The following HEPACAM2 variants were observed in gnomAD, a reference collection of about 807,000 sequenced individuals.
HEPACAM2 encodes mitotic kinetics regulator.
A neutral mutation model predicts 49.6 loss-of-function variants in HEPACAM2; 49 were observed. The observed-to-expected ratio is 0.99, with a 90% CI of 0.78 to 1.25. The LOEUF (loss-of-function observed/expected upper bound fraction) is 1.25, where lower values mean the gene tolerates loss of function less well. Ranked by LOEUF, HEPACAM2 falls within the 50% of genes most tolerant of loss-of-function variation. HEPACAM2 has a pLI of 0.00. For missense variants in HEPACAM2, 525 were observed against 557.2 expected (o/e 0.94, Z 0.58); for synonymous variants, 197 against 202.9 (o/e 0.97, Z 0.25).
At chr7:93,205,197 T>C (rs1793997914) in intron 4 of HEPACAM2, among the ~76,000 whole-genome samples, 1 of 152,116 alleles carries the variant, frequency 6.6e-6, no homozygotes, top group Admixed American at 6.5e-5. Flanking sequence ...GATATTTCCA[T>C]GGAGATACAA....
Position 93,208,883 on chromosome 7 carries a change from C to A in HEPACAM2, c.716-7G>T, listed in dbSNP as rs1335746294. On this transcript the variant is annotated splice_polypyrimidine_tract_variant and splice_region_variant and intron_variant, in intron 3 of 9. Transcript: ENST00000394468. ...TGAAGTCCATAAGGTCCATCTGCAT[C>A]AATATAAAAAAAAATAGATAAGTAA... is the stretch of plus-strand genomic sequence containing the variant. 3.3e-6 allele frequency: 5 copies of A among 1,538,344 alleles called. No homozygotes were observed. The highest frequency in any genetic ancestry group is 2.1e-5 in the Admixed American group (1 of 47,550).
At chr7:93,209,497 A>C (rs1238035605) in intron 3 of HEPACAM2, among the ~76,000 whole-genome samples, 1 of 151,938 alleles carries the variant, frequency 6.6e-6, no homozygotes, top group Non-Finnish European at 1.5e-5. Flanking sequence ...GCCGTTAATT[A>C]TAGTCACCCT....
At chr7:93,229,267 T>G (rs1794588343), upstream of HEPACAM2, among the ~76,000 whole-genome samples, 1 of 152,194 alleles carries the variant, frequency 6.6e-6, no homozygotes. Flanking sequence ...TTCTGTAAAG[T>G]CTACAAAGCT....
At chr7:93,229,911 T>C (rs965267066), upstream of HEPACAM2, among the ~76,000 whole-genome samples, 1 of 152,224 alleles carries the variant, frequency 6.6e-6, no homozygotes, top group Admixed American at 6.5e-5. Flanking sequence ...AATTATTTCA[T>C]ATAGTGTTAA....
chr7:93,216,175 T>C (rs1461149350), intron 2 of HEPACAM2, among the ~76,000 whole-genome samples: 1 of 152,190 alleles, frequency 6.6e-6, no homozygotes, highest in Non-Finnish European at 1.5e-5. Context: ...TTTGGGAAAC[T>C]GAGGGATAAT....
intron 1 of HEPACAM2, among the ~76,000 whole-genome samples, chr7:93,222,893 AGTTTTTGG>A (rs1794476669): frequency 6.6e-6 from 1 of 152,206 alleles, no homozygotes; most frequent in Non-Finnish European, 1.5e-5. Flanking sequence ...ATTGAGTCCC[AGTTTTTGG>A]TTCATATATT....
intron 1 of HEPACAM2, among the ~76,000 whole-genome samples, chr7:93,224,754 CAT>C (rs1471019355): frequency 1.3e-5 from 2 of 152,158 alleles, no homozygotes; most frequent in Non-Finnish European, 1.5e-5. Flanking sequence ...TCCCTGTTAT[CAT>C]GTGTGGTATT....
chr7:93,190,074 T>G (rs1793504138), intron 9 of HEPACAM2, among the ~76,000 whole-genome samples: 1 of 152,030 alleles, frequency 6.6e-6, no homozygotes, highest in Non-Finnish European at 1.5e-5. Flanking sequence ...CTAGGAAATC[T>G]TTAAAAGATC....
At chr7:93,213,447 G>A (rs1794227089) in intron 3 of HEPACAM2, among the ~76,000 whole-genome samples, 1 of 151,882 alleles carries the variant, frequency 6.6e-6, no homozygotes, top group Non-Finnish European at 1.5e-5. Context: ...TTAGAAAACA[G>A]AATACTTGAT....
intron 3 of HEPACAM2, 76 bp downstream of exon 3, chr7:93,215,325 T>G (rs1298221631): frequency 8.7e-6 from 12 of 1,374,588 alleles, no homozygotes; most frequent in African/African-American, 7.3e-5. Context: ...GTACTTATAT[T>G]CTCTGTGACT....
chr7:93,201,944 C>T (rs1177590438), intron 4 of HEPACAM2, among the ~76,000 whole-genome samples: 1 of 149,486 alleles, frequency 6.7e-6, no homozygotes, highest in Non-Finnish European at 1.5e-5. Flanking sequence ...TTAGAAGGAC[C>T]CATACTTCAC....
At chr7:93,215,249 C>T in intron 3 of HEPACAM2, 152 bp downstream of exon 3, 1 of 657,412 alleles carries the variant, frequency 1.5e-6, no homozygotes, top group Non-Finnish European at 2.6e-6. Flanking sequence ...TCATACAAGA[C>T]AGTGCCTAGG....
At chr7:93,230,624 T>C (rs1470628194), upstream of HEPACAM2, among the ~76,000 whole-genome samples, 1 of 152,232 alleles carries the variant, frequency 6.6e-6, no homozygotes, top group African/African-American at 2.4e-5. Context: ...GGGTTTTATT[T>C]TATAGGCTAA....
intron 4 of HEPACAM2, among the ~76,000 whole-genome samples, chr7:93,198,872 T>A (rs1258001860): frequency 6.6e-6 from 1 of 152,136 alleles, no homozygotes; most frequent in African/African-American, 2.4e-5. Flanking sequence ...GCCTTAATCT[T>A]TTCTTTCTCT....
chr7:93,210,720 G>A (rs1327763403), intron 3 of HEPACAM2, among the ~76,000 whole-genome samples: 3 of 151,780 alleles, frequency 2.0e-5, no homozygotes, highest in Non-Finnish European at 2.9e-5. Context: ...AATCTTAAAG[G>A]TCCTGATTTT....
Position 93,208,792 on chromosome 7 carries a change from A to G in HEPACAM2, c.800T>C (p.Leu267Pro). 1 of 1,613,114 alleles carries G rather than the reference A, an allele frequency of 6.2e-7. No homozygotes were observed. The highest frequency in any genetic ancestry group is 8.5e-7 in the Non-Finnish European group (1 of 1,179,368). Reference protein sequence around the residue: ...VFTVDLGEAILFDCSADSHPP... With the variant: ...VFTVDLGEAIPFDCSADSHPP... Reference sequence around the variant, plus strand: ...ATGAGAATCAGCAGAACAATCAAATAGGATGGCCTCTCCAAGGTCAACAGT... The same window carrying G: ...ATGAGAATCAGCAGAACAATCAAATGGGATGGCCTCTCCAAGGTCAACAGT... Residue 267 changes from leucine (L) to proline (P), a missense_variant, in exon 4 of 10, where the codon CTA (leucine) becomes CCA (proline). Physicochemically the swap from Leu to Pro is moderately conservative, Grantham distance 98 (BLOSUM62 -3). Coordinates refer to ENST00000394468, the MANE Select transcript of HEPACAM2 (RefSeq NM_001039372.4).
intron 4 of HEPACAM2, among the ~76,000 whole-genome samples, chr7:93,202,291 G>T (rs1324218634): frequency 6.6e-6 from 1 of 151,200 alleles, no homozygotes; most frequent in Non-Finnish European, 1.5e-5. Context: ...AAAATCAAAT[G>T]TACAATTTGT....
chr7:93,216,727 T>C (rs1213656438), intron 2 of HEPACAM2, among the ~76,000 whole-genome samples: 1 of 152,160 alleles, frequency 6.6e-6, no homozygotes, highest in Non-Finnish European at 1.5e-5. Flanking sequence ...TGGAGAGAGG[T>C]GTATTTAATA....
At position 93,208,827 on chromosome 7, in the gene HEPACAM2, C is replaced by G; in HGVS notation, c.765G>C (p.Gly255=). The G allele has an allele frequency of 1.2e-6, 2 of 1,612,202 alleles. No homozygotes were observed. Among genetic ancestry groups the G allele is most frequent in the African/African-American group, 1.3e-5 (1 of 74,894 alleles). ...CTCCAAGGTCAACAGTAAACACTTCCCCTACTTTTAGCCCTTTATCAGAAT... is the reference window on the plus strand; with the variant it reads ...CTCCAAGGTCAACAGTAAACACTTCGCCTACTTTTAGCCCTTTATCAGAAT... The part of the protein sequence containing the change: ...QVNSDKGLKV[G]EVFTVDLGEA... Residue 255 remains glycine (G), a synonymous_variant, in exon 4 of 10, where the codon GGG becomes GGC. Coordinates refer to ENST00000394468, the MANE Select transcript of HEPACAM2 (RefSeq NM_001039372.4).
Sources: allele counts gnomAD v4.1 joint callset (sites outside exome capture counted in the v4.1 genomes callset), GRCh38; gene constraint gnomAD v4.1.1; transcripts MANE v1.5; gene names NCBI Gene and HGNC (gene_info 2026-07-23, HGNC 2026-07-21).